Variants in KLHL1 observed in about 807,000 individuals in gnomAD.
KLHL1 encodes kelch like family member 1.
In KLHL1, 47 loss-of-function variants were observed where a neutral mutation model predicts 77.7. The observed-to-expected ratio is 0.60, with a 90% CI of 0.48 to 0.77. KLHL1 has a LOEUF of 0.77. Ranked by LOEUF, KLHL1 falls within the 30% of genes least tolerant of loss-of-function variation. KLHL1 has a pLI of 0.00. For synonymous variants in KLHL1, 360 were observed against 325.2 expected (o/e 1.11, Z -1.15); for missense variants, 925 against 910.8 (o/e 1.02, Z -0.20).
At chr13:69,754,009 T>C (rs77767514) in intron 7 of KLHL1, among the ~76,000 whole-genome samples, 1 of 151,920 alleles carries the variant, frequency 6.6e-6, no homozygotes, top group East Asian at 1.9e-4. Flanking sequence ...GCTAATTTTT[T>C]TTTTTGTTTT....
At chr13:70,059,198 A>T (rs558621511) in intron 1 of KLHL1, among the ~76,000 whole-genome samples, 1 of 149,218 alleles carries the variant, frequency 6.7e-6, no homozygotes, top group East Asian at 1.9e-4. Context: ...TCACTCTGTC[A>T]GCCAGGCTGG....
chr13:69,940,877 G>T (rs1029586817), intron 3 of KLHL1, among the ~76,000 whole-genome samples: 4 of 149,550 alleles, frequency 2.7e-5, no homozygotes, highest in Admixed American at 2.7e-4. Flanking sequence ...TTTTTAAAGG[G>T]ATCTGTTTGT....
At chr13:70,052,545 G>T (rs979164369) in intron 1 of KLHL1, among the ~76,000 whole-genome samples, 2 of 151,588 alleles carry the variant, frequency 1.3e-5, no homozygotes, top group Non-Finnish European at 2.9e-5. Flanking sequence ...CTTAAATTTT[G>T]ATTTTAATAA....
intron 1 of KLHL1, among the ~76,000 whole-genome samples, chr13:69,997,935 G>A (rs1885199092): frequency 1.3e-5 from 2 of 151,384 alleles, no homozygotes; most frequent in African/African-American, 4.9e-5. Context: ...GTGTCTCTTC[G>A]AGATCCTGAT....
intron 7 of KLHL1, among the ~76,000 whole-genome samples, chr13:69,796,200 C>A (rs1006816010): frequency 3.0e-4 from 46 of 152,212 alleles, no homozygotes; most frequent in South Asian, 8.3e-4. Context: ...AATTTAAATA[C>A]AAAATATGCT....
intron 10 of KLHL1, among the ~76,000 whole-genome samples, chr13:69,704,112 CT>C (rs2137867392): frequency 6.6e-6 from 1 of 151,728 alleles, no homozygotes; most frequent in African/African-American, 2.4e-5. Flanking sequence ...AACTTTATAT[CT>C]TCATCTACAT....
intron 7 of KLHL1, among the ~76,000 whole-genome samples, chr13:69,788,111 C>T (rs1876656512): frequency 1.3e-5 from 2 of 152,220 alleles, no homozygotes; most frequent in South Asian, 2.1e-4. Context: ...GGCGATTCCT[C>T]AGGGATCTAG....
rs149373770 is a variant in KLHL1 at position 70,095,338 on chromosome 13, C to T, written c.497+11865G>A. ...GATTGTTCTATTTAGATCCTTAGGA[C>T]TATCAGGAATTGACTACATAATTGT... On this transcript the variant is annotated intron_variant, in intron 1 of 10. Transcript: ENST00000377844. Among the ~76,000 whole-genome samples, 758 of 152,162 alleles carry T rather than the reference C, an allele frequency of 5.0e-3. 12 individuals are homozygous for T. The highest frequency in any genetic ancestry group is 0.016 in the African/African-American group (653 of 41,514).
At chr13:69,882,237 T>G (rs1881027358) in intron 5 of KLHL1, 46 bp downstream of exon 5, 3 of 1,310,740 alleles carry the variant, frequency 2.3e-6, no homozygotes, top group Admixed American at 3.5e-5. Context: ...TAATATAGGG[T>G]TTTTCAGTAC....
intron 4 of KLHL1, among the ~76,000 whole-genome samples, chr13:69,909,734 A>G (rs1566390405): frequency 6.6e-6 from 1 of 152,102 alleles, no homozygotes; most frequent in Non-Finnish European, 1.5e-5. Context: ...AATACACAAA[A>G]CTGTATACTC....
At chr13:69,943,334 ATATTT>A (rs1349269587) in intron 3 of KLHL1, among the ~76,000 whole-genome samples, 1 of 152,084 alleles carries the variant, frequency 6.6e-6, no homozygotes, top group African/African-American at 2.4e-5. Context: ...AAAGACTATT[ATATTT>A]TATTTATGAC....
chr13:70,010,011 A>C (rs536187040), intron 1 of KLHL1, among the ~76,000 whole-genome samples: 1 of 152,260 alleles, frequency 6.6e-6, no homozygotes, highest in South Asian at 2.1e-4. Flanking sequence ...ATATCTATGG[A>C]AAGTGCATTA....
chr13:69,711,882 G>T (rs1229173835), intron 9 of KLHL1, among the ~76,000 whole-genome samples: 1 of 151,486 alleles, frequency 6.6e-6, no homozygotes, highest in Non-Finnish European at 1.5e-5. Flanking sequence ...AGTATTATGT[G>T]TATTATGTGC....
At chr13:69,783,301 A>C (rs1876328453) in intron 7 of KLHL1, among the ~76,000 whole-genome samples, 1 of 152,230 alleles carries the variant, frequency 6.6e-6, no homozygotes, top group African/African-American at 2.4e-5. Context: ...GCTCCTCACC[A>C]GCAATAGAAC....
intron 4 of KLHL1, among the ~76,000 whole-genome samples, chr13:69,900,441 G>C (rs1444835172): frequency 1.3e-5 from 2 of 152,130 alleles, no homozygotes; most frequent in African/African-American, 2.4e-5. Flanking sequence ...TAGAATTTAC[G>C]GGTAAGGGAA....
intron 5 of KLHL1, among the ~76,000 whole-genome samples, chr13:69,873,980 A>G (rs1049049173): frequency 2.0e-5 from 3 of 152,158 alleles, no homozygotes; most frequent in Non-Finnish European, 4.4e-5. Flanking sequence ...ATTTAAGCTG[A>G]AACGTGATTA....
chr13:70,067,641 A>G (rs2137413311), intron 1 of KLHL1, among the ~76,000 whole-genome samples: 1 of 149,908 alleles, frequency 6.7e-6, no homozygotes, highest in East Asian at 1.9e-4. Context: ...TTTGACAACA[A>G]CAACAACAAC....
chr13:69,847,400 T>C (rs1879506838), intron 5 of KLHL1, among the ~76,000 whole-genome samples: 1 of 51,182 alleles, frequency 2.0e-5, no homozygotes, highest in African/African-American at 7.7e-5. Flanking sequence ...TAATACTGCA[T>C]TAGCAAAAAA....
chr13:69,780,062 C>G (rs1388903737), intron 7 of KLHL1, among the ~76,000 whole-genome samples: 1 of 152,124 alleles, frequency 6.6e-6, no homozygotes, highest in Admixed American at 6.5e-5. Context: ...CCCACCTTGG[C>G]CTTCCAAAGT....
Sources: allele counts gnomAD v4.1 joint callset (sites outside exome capture counted in the v4.1 genomes callset), GRCh38; gene constraint gnomAD v4.1.1; transcripts MANE v1.5; gene names NCBI Gene and HGNC (gene_info 2026-07-23, HGNC 2026-07-21).